PCBP3: variants seen among roughly 807,000 people sequenced by gnomAD.
The protein encoded by PCBP3 is poly(rC) binding protein 3, also known as poly(rC)-binding protein 3.
A neutral mutation model predicts 52.7 loss-of-function variants in PCBP3; 25 were observed. The observed-to-expected ratio is 0.47, with a 90% CI of 0.35 to 0.66. The LOEUF is 0.66. Ranked by LOEUF, PCBP3 falls within the 30% of genes least tolerant of loss-of-function variation. The pLI is 0.01. For synonymous variants in PCBP3, 162 were observed against 183.0 expected (o/e 0.89, Z 0.93); for missense variants, 391 against 490.3 (o/e 0.80, Z 1.91).
chr21:45,843,882 C>G (rs1045362337), intron 4 of PCBP3, among the ~76,000 whole-genome samples: 1 of 152,100 alleles, frequency 6.6e-6, no homozygotes, highest in East Asian at 1.9e-4. Context: ...CACATACGCA[C>G]TATCATGTTG....
At chr21:45,915,609 A>G (rs548172623) in intron 12 of PCBP3, 1 of 152,342 alleles carries the variant, frequency 6.6e-6, no homozygotes, top group South Asian at 2.1e-4. Flanking sequence ...TCACTCCTGT[A>G]AAGAAGGCAG....
chr21:45,882,802 C>T (rs1232100259), intron 5 of PCBP3, among the ~76,000 whole-genome samples: 1 of 152,142 alleles, frequency 6.6e-6, no homozygotes, highest in African/African-American at 2.4e-5. Context: ...GTGTGTGTTC[C>T]TGGTGTCTTT....
rs542528455 is a variant in PCBP3 at position 45,655,226 on chromosome 21, A to C, written c.-279+11358A>C. On this transcript the variant is annotated intron_variant, in intron 1 of 17. Transcript: ENST00000681687. ...ACTTGTCTTGGTTTACACTAGAAGT[A>C]GAATTGCTGAGTCATACAGTAACTC... Among the ~76,000 whole-genome samples, 3 of 152,282 alleles carry C rather than the reference A, an allele frequency of 2.0e-5. No homozygotes were observed. The East Asian group carries it at 5.8e-4, about 29-fold the overall frequency.
In PCBP3 at chr21:45,867,484, C is replaced by T. The variant is rs117443209; in HGVS notation, c.10+17389C>T. Among the ~76,000 whole-genome samples, 7 of 152,052 alleles carry T rather than the reference C, an allele frequency of 4.6e-5. No individual in the cohort carries two copies. The East Asian group carries it at 1.2e-3, about 25-fold the overall frequency. ...GCGCACCTGCTACCCCTGCTACCCG[C>T]ATTCACCGCACGCGGAGGGTGCGGG... On this transcript the variant is annotated intron_variant, in intron 5 of 17. Transcript: ENST00000681687.
chr21:45,679,446 G>T (rs963093712), intron 2 of PCBP3, among the ~76,000 whole-genome samples: 4 of 152,066 alleles, frequency 2.6e-5, no homozygotes, highest in Admixed American at 6.6e-5. Context: ...TAAAATTAAG[G>T]TATGTACATT....
At position 45,853,548 on chromosome 21, in the gene PCBP3, C is replaced by T. The variant is rs2094137213; in HGVS notation, c.10+3453C>T. Among the ~76,000 whole-genome samples, 1 of 152,192 alleles carries T rather than the reference C, an allele frequency of 6.6e-6. No individual in the cohort carries two copies. The highest frequency in any genetic ancestry group is 1.9e-4 in the East Asian group (1 of 5,192). ...CAGAATTTTCTGGGGTTTCAATACC[C>T]TCTGCAGGTTTCCATTGGTTACTTG... is the stretch of plus-strand genomic sequence containing the variant. On this transcript the variant is annotated intron_variant, in intron 5 of 17. Coordinates refer to ENST00000681687, the MANE Select transcript of PCBP3 (RefSeq NM_001384156.1). This position sits in a 1 kb window ranked among gnomAD's most constrained non-coding sequence, Gnocchi z 4.6.
chr21:45,801,966 G>A (rs544176444), intron 4 of PCBP3, among the ~76,000 whole-genome samples: 42 of 152,192 alleles, frequency 2.8e-4, no homozygotes, highest in South Asian at 2.5e-3. Flanking sequence ...ACATCTCAGC[G>A]TCATCAGTGG....
intron 13 of PCBP3, among the ~76,000 whole-genome samples, chr21:45,927,597 C>A (rs1313446272): frequency 6.6e-6 from 1 of 151,660 alleles, no homozygotes; most frequent in Admixed American, 6.6e-5. Flanking sequence ...CACAGATGCT[C>A]CCCCAGCACC....
chr21:45,911,142 T>C (rs1409001845), intron 11 of PCBP3, 112 bp downstream of exon 11: 1 of 1,258,748 alleles, frequency 7.9e-7, no homozygotes, highest in South Asian at 1.2e-5. Flanking sequence ...CAGTTGGGGC[T>C]GTGGGGGGCT....
rs201056156 is a variant in PCBP3 at position 45,940,215 on chromosome 21, G to A, written c.1079+16G>A. On this transcript the variant is annotated intron_variant, in intron 17 of 17. Coordinates refer to ENST00000681687, the MANE Select transcript of PCBP3 (RefSeq NM_001384156.1). ...TCAACGCCAGGTGAGCATCTCCCAA[G>A]GGTCTCTGAGAGACGCCCGGAAAGG... The A allele has an allele frequency of 1.3e-6, 2 of 1,594,250 alleles. No individual in the cohort carries two copies. Among genetic ancestry groups the A allele is most frequent in the Admixed American group, 3.5e-5 (2 of 57,910 alleles).
intron 16 of PCBP3, among the ~76,000 whole-genome samples, chr21:45,937,960 G>A (rs1029025210): frequency 6.6e-6 from 1 of 152,278 alleles, no homozygotes; most frequent in Non-Finnish European, 1.5e-5. Context: ...GTGTGCAGAG[G>A]AGGGGAAAGG....
chr21:45,911,185 G>T, intron 11 of PCBP3, 155 bp downstream of exon 11: 1 of 817,968 alleles, frequency 1.2e-6, no homozygotes. Flanking sequence ...CGAGAGCGGT[G>T]CCGGTATGGG....
intron 9 of PCBP3, among the ~76,000 whole-genome samples, chr21:45,902,617 C>T (rs569658922): frequency 5.8e-4 from 89 of 152,306 alleles, no homozygotes; most frequent in Non-Finnish European, 9.6e-4. Flanking sequence ...ACCCAGTCCC[C>T]GGATGGTGGT....
At chr21:45,655,509 G>A (rs570249821) in intron 1 of PCBP3, among the ~76,000 whole-genome samples, 2 of 152,152 alleles carry the variant, frequency 1.3e-5, no homozygotes, top group East Asian at 3.8e-4. Context: ...TAGCATTTCT[G>A]TAGTGACTGA....
chr21:45,844,602 G>A (rs1239864226), intron 4 of PCBP3, among the ~76,000 whole-genome samples: 3 of 152,062 alleles, frequency 2.0e-5, no homozygotes, highest in Non-Finnish European at 4.4e-5. Context: ...CCTGCCAATG[G>A]TGCTCCCCGC....
At chr21:45,697,353 C>T (rs1026369719) in intron 2 of PCBP3, among the ~76,000 whole-genome samples, 1 of 152,214 alleles carries the variant, frequency 6.6e-6, no homozygotes, top group Non-Finnish European at 1.5e-5. Context: ...AAATATCTTT[C>T]TAAATTTATG....
intron 13 of PCBP3, among the ~76,000 whole-genome samples, chr21:45,926,295 T>G (rs1245686013): frequency 1.3e-5 from 2 of 152,224 alleles, no homozygotes; most frequent in African/African-American, 4.8e-5. Context: ...CGTCTAGCCA[T>G]CTAGCACCTG....
intron 1 of PCBP3, among the ~76,000 whole-genome samples, chr21:45,666,542 C>G (rs1396693076): frequency 6.6e-6 from 1 of 152,042 alleles, no homozygotes; most frequent in African/African-American, 2.4e-5. Context: ...GGTAGGTTTT[C>G]TAGTGACATA....
intron 2 of PCBP3, among the ~76,000 whole-genome samples, chr21:45,669,384 T>C (rs2081002430): frequency 6.6e-6 from 1 of 152,162 alleles, no homozygotes; most frequent in South Asian, 2.1e-4. Context: ...TCTAATTTAT[T>C]GTTTCTGTTT....
Sources: allele counts gnomAD v4.1 joint callset (sites outside exome capture counted in the v4.1 genomes callset), GRCh38; gene constraint gnomAD v4.1.1; non-coding constraint Gnocchi (gnomAD v3.1); transcripts MANE v1.5; gene names NCBI Gene and HGNC (gene_info 2026-07-23, HGNC 2026-07-21).